The following CDH13 variants were observed in gnomAD, a reference collection of about 807,000 sequenced individuals.
CDH13 encodes the protein cadherin-13.
In CDH13, 24 loss-of-function variants were observed where a neutral mutation model predicts 63.8. That is an observed-to-expected ratio of 0.38 (90% CI 0.27 to 0.53). The LOEUF is 0.53. Ranked by LOEUF, CDH13 falls within the 20% of genes least tolerant of loss-of-function variation. The pLI is 0.85. For synonymous variants in CDH13, 503 were observed against 355.3 expected, an observed-to-expected ratio of 1.42 and a Z score of -4.67; for missense variants, 1,049 against 903.1, an observed-to-expected ratio of 1.16 and a Z score of -2.07.
At chr16:83,723,991 G>C (rs1018481461) in intron 10 of CDH13, among the ~76,000 whole-genome samples, 5 of 152,138 alleles carry the variant, frequency 3.3e-5, no homozygotes, top group Non-Finnish European at 5.9e-5. Flanking sequence ...GATGAATGTG[G>C]AATGCATGGA....
intron 8 of CDH13, among the ~76,000 whole-genome samples, chr16:83,620,131 G>A (rs909969422): frequency 3.1e-4 from 47 of 152,128 alleles, no homozygotes; most frequent in Admixed American, 2.2e-3. Flanking sequence ...AGTGGCTCAC[G>A]CCTGTAATCC....
chr16:83,069,136 A>G (rs1161503735), intron 3 of CDH13, among the ~76,000 whole-genome samples: 1 of 152,160 alleles, frequency 6.6e-6, no homozygotes, highest in Non-Finnish European at 1.5e-5. Context: ...TTAATTGTAC[A>G]TCTTGAATTA....
At chr16:83,747,978 G>A (rs1380575745) in intron 10 of CDH13, 130 bp from the exon 11 acceptor site, 7 of 946,532 alleles carry the variant, frequency 7.4e-6, no homozygotes, top group South Asian at 1.5e-5. Context: ...AACTGTAACA[G>A]AAATGATGGT....
intron 2 of CDH13, among the ~76,000 whole-genome samples, chr16:82,964,633 C>T (rs917909408): frequency 1.3e-5 from 2 of 152,234 alleles, no homozygotes; most frequent in African/African-American, 4.8e-5. Flanking sequence ...ACTTATAACA[C>T]TTCTTCATAA....
intron 2 of CDH13, among the ~76,000 whole-genome samples, chr16:82,859,872 C>T (rs1392671764): frequency 2.0e-5 from 3 of 152,138 alleles, no homozygotes; most frequent in Admixed American, 1.3e-4. Flanking sequence ...GTGCACCTCC[C>T]GATGAAATGA....
intron 5 of CDH13, among the ~76,000 whole-genome samples, chr16:83,322,497 C>T (rs1487310967): frequency 6.6e-6 from 1 of 152,110 alleles, no homozygotes; most frequent in Non-Finnish European, 1.5e-5. Context: ...AATTAATGAG[C>T]ACCTCATATA....
intron 12 of CDH13, among the ~76,000 whole-genome samples, chr16:83,782,161 T>C (rs1915572330): frequency 6.6e-6 from 1 of 152,236 alleles, no homozygotes; most frequent in African/African-American, 2.4e-5. Flanking sequence ...ATGATTTTGT[T>C]GTCTCACAGT....
intron 7 of CDH13, among the ~76,000 whole-genome samples, chr16:83,506,114 G>A (rs1372879559): frequency 2.6e-5 from 4 of 152,188 alleles, no homozygotes; most frequent in African/African-American, 7.2e-5. Context: ...AGGATTTGAA[G>A]TTGTTCCAGT....
chr16:82,677,966 G>A (rs1914121401), intron 1 of CDH13, among the ~76,000 whole-genome samples: 1 of 152,150 alleles, frequency 6.6e-6, no homozygotes, highest in African/African-American at 2.4e-5. Context: ...CTGAAGATAT[G>A]ATCCAGAAAA....
rs144797466 is a variant in CDH13, at chr16:82,955,444, C to T, written c.158-76566C>T. 8.3e-4 allele frequency among the ~76,000 whole-genome samples: 127 copies of T among 152,288 alleles called. 5 individuals carry two copies. In the Middle Eastern group the frequency reaches 0.034, roughly 41 times the overall value. ...ATTAATACTTTAGCTTCATAATTAT[C>T]CATTTAGTTTATGATTATGGGTTGC... On this transcript the variant is annotated intron_variant, in intron 2 of 13. Coordinates refer to ENST00000567109, the MANE Select transcript of CDH13 (RefSeq NM_001257.5).
chr16:83,398,098 A>T (rs1431020904), intron 6 of CDH13: 3 of 129,070 alleles, frequency 2.3e-5, no homozygotes, highest in Non-Finnish European at 5.1e-5. Flanking sequence ...CAGAATCCCC[A>T]GGAGGATTTG....
At chr16:83,108,191 T>C (rs992941979) in intron 3 of CDH13, among the ~76,000 whole-genome samples, 1 of 152,136 alleles carries the variant, frequency 6.6e-6, no homozygotes, top group African/African-American at 2.4e-5. Context: ...GGTTGTGAAG[T>C]ATCCGCATGA....
intron 2 of CDH13, among the ~76,000 whole-genome samples, chr16:82,895,298 C>G (rs142013235): frequency 6.6e-6 from 1 of 152,198 alleles, no homozygotes; most frequent in Non-Finnish European, 1.5e-5. Flanking sequence ...GACACCCACA[C>G]ATATACTCAA....
chr16:83,122,397 G>A (rs995131069), intron 3 of CDH13, among the ~76,000 whole-genome samples: 1 of 152,134 alleles, frequency 6.6e-6, no homozygotes, highest in Non-Finnish European at 1.5e-5. Flanking sequence ...ATGATACAAA[G>A]TTTTCATTTT....
chr16:83,732,685 G>A (rs573459215), intron 10 of CDH13, among the ~76,000 whole-genome samples: 1 of 152,264 alleles, frequency 6.6e-6, no homozygotes, highest in East Asian at 1.9e-4. Flanking sequence ...TCATACAGAG[G>A]GAGGCTTGCA....
chr16:83,789,081 C>G (rs536367834), intron 13 of CDH13, among the ~76,000 whole-genome samples: 2 of 152,226 alleles, frequency 1.3e-5, no homozygotes, highest in South Asian at 4.1e-4. Context: ...TATACCTAGT[C>G]CAAGACATTC....
chr16:82,997,844 G>A (rs1912415305), intron 2 of CDH13, among the ~76,000 whole-genome samples: 1 of 152,184 alleles, frequency 6.6e-6, no homozygotes, highest in South Asian at 2.1e-4. Flanking sequence ...GAGTCAAAGA[G>A]ATTAACTACC....
At chr16:83,364,831 T>C (rs1213088341) in intron 6 of CDH13, among the ~76,000 whole-genome samples, 5 of 152,180 alleles carry the variant, frequency 3.3e-5, no homozygotes, top group Admixed American at 2.0e-4. Context: ...ACACCACATG[T>C]TCTCCCTCAT....
chr16:83,591,546 A>G (rs758519183), intron 7 of CDH13, among the ~76,000 whole-genome samples: 1 of 152,138 alleles, frequency 6.6e-6, no homozygotes, highest in African/African-American at 2.4e-5. Flanking sequence ...TTCACCTCAC[A>G]AACCTTGACT....
Sources: allele counts gnomAD v4.1 joint callset (sites outside exome capture counted in the v4.1 genomes callset), GRCh38; gene constraint gnomAD v4.1.1; transcripts MANE v1.5; gene names NCBI Gene and HGNC (gene_info 2026-07-23, HGNC 2026-07-21).